The following CSMD2 variants were observed in gnomAD, a reference collection of about 807,000 sequenced individuals.
CSMD2 encodes CUB and Sushi multiple domains 2.
In CSMD2, 130 loss-of-function variants were observed where a neutral mutation model predicts 398.5. The ratio of observed to expected loss-of-function variants is 0.33; its 90% CI spans 0.28 to 0.38. The LOEUF is 0.38. Among genes scored for constraint, CSMD2 ranks in the 10% least tolerant of loss-of-function variants. The pLI is 1.00. For synonymous variants in CSMD2, 1,828 were observed against 1,908.5 expected (o/e 0.96, Z 1.10); for missense variants, 3,829 against 4,764.9 (o/e 0.80, Z 5.78).
intron 14 of CSMD2, among the ~76,000 whole-genome samples, chr1:33,742,753 T>C (rs1249045308): frequency 6.6e-6 from 1 of 152,188 alleles, no homozygotes; most frequent in East Asian, 1.9e-4. Context: ...CCCCAGTAAG[T>C]CTGGGAGCCC....
intron 5 of CSMD2, among the ~76,000 whole-genome samples, chr1:33,861,837 T>C (rs986458128): frequency 6.6e-6 from 1 of 152,170 alleles, no homozygotes; most frequent in Non-Finnish European, 1.5e-5. Flanking sequence ...GGACACCTTA[T>C]GAGGACCAGT....
chr1:33,746,344 G>C (rs1393548842), intron 13 of CSMD2, among the ~76,000 whole-genome samples: 1 of 152,160 alleles, frequency 6.6e-6, no homozygotes, highest in Non-Finnish European at 1.5e-5. Flanking sequence ...GCAAGTCCAA[G>C]GCAGATGAAG....
At chr1:33,714,865 G>C in intron 20 of CSMD2, 90 bp from the exon 21 acceptor site, 1 of 1,289,608 alleles carries the variant, frequency 7.8e-7, no homozygotes, top group Admixed American at 1.9e-5. Context: ...ACACCAGGGG[G>C]AAAGGGCCAG....
At chr1:34,103,508 C>T (rs917346449) in intron 1 of CSMD2, among the ~76,000 whole-genome samples, 2 of 151,928 alleles carry the variant, frequency 1.3e-5, no homozygotes, top group Non-Finnish European at 2.9e-5. Flanking sequence ...CCGTGTTAGC[C>T]AGGATGGTCT....
At chr1:34,047,306 C>G (rs753118039) in intron 2 of CSMD2, among the ~76,000 whole-genome samples, 1 of 152,180 alleles carries the variant, frequency 6.6e-6, no homozygotes, top group Non-Finnish European at 1.5e-5. Context: ...TTTCCTCCAG[C>G]TACCTCATCT....
At chr1:33,707,890 T>C (rs1326184716) in intron 22 of CSMD2, among the ~76,000 whole-genome samples, 1 of 152,220 alleles carries the variant, frequency 6.6e-6, no homozygotes, top group East Asian at 1.9e-4. Flanking sequence ...TCCAGAGTAG[T>C]GGGCTCTGGT....
At chr1:33,598,743 C>G (rs1640005305) in intron 44 of CSMD2, 1 of 135,164 alleles carries the variant, frequency 7.4e-6, no homozygotes, top group Non-Finnish European at 1.5e-5. Context: ...GTGATCTTGG[C>G]TCACTGCAAC....
At chr1:33,909,592 G>A (rs1378212911) in intron 5 of CSMD2, among the ~76,000 whole-genome samples, 2 of 152,106 alleles carry the variant, frequency 1.3e-5, no homozygotes, top group Admixed American at 1.3e-4. Context: ...TGAGTAGTTT[G>A]TTTGAATGAT....
chr1:33,839,439 C>T (rs1196208452), intron 6 of CSMD2: 5 of 155,290 alleles, frequency 3.2e-5, no homozygotes, highest in Admixed American at 6.5e-5. Context: ...GAGCTTGACC[C>T]TAAAGCTTGA....
chr1:33,559,048 A>G lies in CSMD2; in HGVS notation c.8554+252T>C, dbSNP rs1321827304. On this transcript the variant is annotated intron_variant, in intron 54 of 70. Transcript: ENST00000373381. This position sits in a 1 kb window ranked among gnomAD's most constrained non-coding sequence, Gnocchi z 4.0. The stretch of plus-strand genomic sequence containing the variant: ...ATAATGATACATTATTTGTTCAATG[A>G]AAGGTAAAAAAGACGACTTGAAAGA... 6.6e-6 allele frequency among the ~76,000 whole-genome samples: 1 copy of G among 152,248 alleles called. No individual in the cohort carries two copies. The highest frequency in any genetic ancestry group is 6.5e-5 in the Admixed American group (1 of 15,290).
intron 52 of CSMD2, 28 bp from the exon 53 acceptor site, chr1:33,567,869 A>C (rs1455482695): frequency 1.3e-6 from 2 of 1,550,154 alleles, no homozygotes; most frequent in Non-Finnish European, 1.7e-6. Context: ...GGGGAAAAGG[A>C]CCAACTATCC....
intron 13 of CSMD2, among the ~76,000 whole-genome samples, chr1:33,758,109 C>A (rs1649298406): frequency 6.6e-6 from 1 of 152,194 alleles, no homozygotes; most frequent in South Asian, 2.1e-4. Flanking sequence ...CCTTGCCAAT[C>A]TTTTTTATTT....
chr1:33,730,542 CATG>C (rs1260551820), intron 15 of CSMD2, among the ~76,000 whole-genome samples: 1 of 150,798 alleles, frequency 6.6e-6, no homozygotes, highest in Non-Finnish European at 1.5e-5. Flanking sequence ...CATAATCCCA[CATG>C]AAGAAACTAG....
chr1:34,143,923 T>C (rs1241873290), intron 1 of CSMD2, among the ~76,000 whole-genome samples: 1 of 152,188 alleles, frequency 6.6e-6, no homozygotes, highest in African/African-American at 2.4e-5. Context: ...CTGATGCATT[T>C]TAAACCATTG....
intron 6 of CSMD2, among the ~76,000 whole-genome samples, chr1:33,835,718 A>AAAAG (rs1265555584): frequency 2.0e-5 from 3 of 150,446 alleles, no homozygotes; most frequent in African/African-American, 7.3e-5. Context: ...ACATTTCAAA[A>AAAAG]AAAAAAAGGA....
chr1:33,784,122 C>T (rs1292216487), intron 12 of CSMD2, among the ~76,000 whole-genome samples: 5 of 152,136 alleles, frequency 3.3e-5, no homozygotes, highest in African/African-American at 1.2e-4. Context: ...GTGGAAGTCA[C>T]CAGAGTTTGG....
Position 33,646,773 on chromosome 1 carries a change from G to C in CSMD2, c.4649C>G (p.Pro1550Arg). 6.2e-7 allele frequency: 1 copy of C among 1,614,116 alleles called. No individual in the cohort carries two copies. The highest frequency in any genetic ancestry group is 8.5e-7 in the Non-Finnish European group (1 of 1,179,980). ...HIYDGRDSLS[P>R]LIGSFYGSQL... Reference sequence around the variant, plus strand: ...GGAGCCATAGAAGCTTCCTATGAGAGGGCTGAGAGAGTCCCGTCCGTCGTA... The same window carrying C: ...GGAGCCATAGAAGCTTCCTATGAGACGGCTGAGAGAGTCCCGTCCGTCGTA... The change falls in exon 29 of 71, where the codon CCT becomes CGT. Residue 1550 changes from proline to arginine, a missense_variant. Transcript: ENST00000373381.
At chr1:33,826,966 G>C (rs924419034) in intron 6 of CSMD2, among the ~76,000 whole-genome samples, 10 of 152,178 alleles carry the variant, frequency 6.6e-5, no homozygotes, top group African/African-American at 2.4e-4. Context: ...TGCTTTACAA[G>C]TTCTTTACTT....
intron 1 of CSMD2, among the ~76,000 whole-genome samples, chr1:34,113,879 A>G (rs367846335): frequency 3.3e-5 from 5 of 152,218 alleles, no homozygotes; most frequent in African/African-American, 1.2e-4. Flanking sequence ...GACTGAAGGA[A>G]AAAGTTCAAC....
Sources: gnomAD v4.1 joint callset for allele counts (sites outside exome capture counted in the v4.1 genomes callset) on GRCh38, gnomAD v4.1.1 for gene constraint, Gnocchi (gnomAD v3.1) non-coding constraint, MANE v1.5 for transcripts, NCBI Gene and HGNC (gene_info 2026-07-23, HGNC 2026-07-21) for gene names.